Variants in ANKS1B observed in about 807,000 individuals in gnomAD.
ANKS1B encodes ankyrin repeat and sterile alpha motif domain containing 1B.
In ANKS1B, 36 loss-of-function variants were observed where a neutral mutation model predicts 148.3. The observed-to-expected ratio is 0.24, with a 90% confidence interval of 0.19 to 0.32. The LOEUF is 0.32. Among genes scored for constraint, ANKS1B ranks in the 10% least tolerant of loss-of-function variants. ANKS1B has a pLI of 1.00. For synonymous variants in ANKS1B, 542 were observed against 560.8 expected (o/e 0.97, Z 0.47); for missense variants, 1,157 against 1,542.6 (o/e 0.75, Z 4.19).
chr12:98,940,369 G>C (rs74351755), intron 17 of ANKS1B, among the ~76,000 whole-genome samples: 9,344 of 152,210 alleles, frequency 0.061, 642 homozygotes, highest in African/African-American at 0.15. Context: ...CTGTGAGGAG[G>C]GGGGTGCAGA....
intron 9 of ANKS1B, among the ~76,000 whole-genome samples, chr12:99,620,255 A>T (rs976226673): frequency 1.3e-5 from 2 of 152,234 alleles, no homozygotes; most frequent in African/African-American, 4.8e-5. Context: ...TCCTAGATGC[A>T]TGAGAATAAT....
chr12:98,865,965 C>T (rs534569731), intron 17 of ANKS1B, among the ~76,000 whole-genome samples: 12 of 152,022 alleles, frequency 7.9e-5, no homozygotes, highest in Non-Finnish European at 1.5e-4. Context: ...AATAGATGGC[C>T]GTCTTCTCAC....
chr12:99,962,477 T>C (rs2095426604), intron 1 of ANKS1B, among the ~76,000 whole-genome samples: 1 of 152,186 alleles, frequency 6.6e-6, no homozygotes, highest in South Asian at 2.1e-4. Context: ...GTTGGTTCCA[T>C]GACTTCGAGA....
intron 8 of ANKS1B, among the ~76,000 whole-genome samples, chr12:99,722,096 G>A (rs1455449355): frequency 2.6e-5 from 4 of 152,224 alleles, no homozygotes; most frequent in East Asian, 3.8e-4. Context: ...GGGTTCATGA[G>A]GTTTAAGGAA....
intron 10 of ANKS1B, among the ~76,000 whole-genome samples, chr12:99,453,330 T>C (rs955990308): frequency 5.3e-5 from 8 of 151,304 alleles, no homozygotes; most frequent in Non-Finnish European, 1.0e-4. Context: ...AAGAGATGAG[T>C]TGTACTTCTG....
At chr12:99,801,583 G>T (rs773510175) in intron 4 of ANKS1B, among the ~76,000 whole-genome samples, 27 of 152,168 alleles carry the variant, frequency 1.8e-4, no homozygotes, top group Non-Finnish European at 3.5e-4. Context: ...TGGATACAAT[G>T]AGTAAAAACA....
At chr12:99,061,756 T>C (rs2042520577) in intron 16 of ANKS1B, among the ~76,000 whole-genome samples, 1 of 152,250 alleles carries the variant, frequency 6.6e-6, no homozygotes, top group African/African-American at 2.4e-5. Flanking sequence ...AACATTTAAA[T>C]GAAGCCTGTA....
At chr12:98,944,941 T>C (rs2099842808) in intron 17 of ANKS1B, among the ~76,000 whole-genome samples, 1 of 152,222 alleles carries the variant, frequency 6.6e-6, no homozygotes, top group Non-Finnish European at 1.5e-5. Context: ...TCTAAACCCT[T>C]TTCTTCTTAA....
rs2153361689 is a variant in ANKS1B at position 98,745,116 on chromosome 12, C to T, written c.*623G>A. On this transcript the variant is annotated 3_prime_UTR_variant, in exon 27 of 27. Coordinates refer to ENST00000683438, the MANE Select transcript of ANKS1B (RefSeq NM_001352186.2). ...TTTGAATCATTCTTTCCTTTTGAAC[C>T]AATCATTTGGTTGAAAGGTTTTCTT... is the stretch of plus-strand genomic sequence containing the variant. 1 of 985,716 alleles carries T rather than the reference C, an allele frequency of 1.0e-6. No homozygotes were observed. The highest frequency in any genetic ancestry group is 1.1e-4 in the East Asian group (1 of 8,818). The allele number at this position is 985,716 out of a possible 1,614,324, so 61.1% of individuals were successfully genotyped here.
intron 1 of ANKS1B, among the ~76,000 whole-genome samples, chr12:99,828,818 A>G (rs906765953): frequency 4.6e-5 from 7 of 151,850 alleles, no homozygotes; most frequent in African/African-American, 1.7e-4. Context: ...CTCCATCTCT[A>G]CCAAAAATAC....
At chr12:99,219,246 T>C (rs2084712670) in intron 14 of ANKS1B, among the ~76,000 whole-genome samples, 2 of 152,184 alleles carry the variant, frequency 1.3e-5, no homozygotes, top group Non-Finnish European at 1.5e-5. Context: ...AACTTGCAAT[T>C]ATAAATTAGG....
intron 8 of ANKS1B, among the ~76,000 whole-genome samples, chr12:99,750,952 A>G (rs1000603944): frequency 2.0e-5 from 3 of 152,088 alleles, no homozygotes; most frequent in Non-Finnish European, 4.4e-5. Context: ...AATATAGCTT[A>G]TGATTATATC....
rs374112414 is a variant in ANKS1B at position 99,930,863 on chromosome 12, A to C, written c.134+53241T>G. On this transcript the variant is annotated intron_variant, in intron 1 of 26. Transcript: ENST00000683438. ...ACTGGGTATATACCCAAAGGATTACAAATCATGCTGCTATAAAGACACATG... is the reference window on the plus strand; with the variant it reads ...ACTGGGTATATACCCAAAGGATTACCAATCATGCTGCTATAAAGACACATG... 1.2e-4 allele frequency among the ~76,000 whole-genome samples: 19 copies of C among 152,334 alleles called. No individual in the cohort carries two copies. In the East Asian group the frequency reaches 3.1e-3, roughly 25 times the overall value.
chr12:99,501,555 C>CA (rs2096656029), intron 10 of ANKS1B, among the ~76,000 whole-genome samples: 1 of 152,120 alleles, frequency 6.6e-6, no homozygotes, highest in Admixed American at 6.5e-5. Context: ...GTTCTGCTCA[C>CA]AAAAAATCAT....
chr12:99,696,448 G>T (rs1567663272), intron 8 of ANKS1B, among the ~76,000 whole-genome samples: 2 of 152,022 alleles, frequency 1.3e-5, no homozygotes, highest in Non-Finnish European at 2.9e-5. Context: ...ACGCTCAAGA[G>T]ATCTTTGACA....
At chr12:99,384,038 G>A (rs545920527) in intron 12 of ANKS1B, among the ~76,000 whole-genome samples, 1 of 151,874 alleles carries the variant, frequency 6.6e-6, no homozygotes, top group Non-Finnish European at 1.5e-5. Flanking sequence ...CAAAATAAGA[G>A]AGAAATTGCT....
At chr12:98,811,847 C>T (rs899818058) in intron 19 of ANKS1B, among the ~76,000 whole-genome samples, 4 of 152,098 alleles carry the variant, frequency 2.6e-5, no homozygotes, top group African/African-American at 4.8e-5. Flanking sequence ...TCCCACTTAG[C>T]ATCCTGGGAA....
At chr12:98,749,119 GACGGAGT>G (rs1378747077) in intron 26 of ANKS1B, among the ~76,000 whole-genome samples, 1 of 151,608 alleles carries the variant, frequency 6.6e-6, no homozygotes, top group Non-Finnish European at 1.5e-5. Flanking sequence ...TTTTTTTTGA[GACGGAGT>G]CCTGCTCTGT....
At chr12:98,821,373 C>A (rs2153662701) in intron 19 of ANKS1B, among the ~76,000 whole-genome samples, 1 of 152,342 alleles carries the variant, frequency 6.6e-6, no homozygotes. Flanking sequence ...CCTCTTCTAG[C>A]AGCAGCGGCC....
Sources: gnomAD v4.1 joint callset for allele counts (sites outside exome capture counted in the v4.1 genomes callset) on GRCh38, gnomAD v4.1.1 for gene constraint, MANE v1.5 for transcripts, NCBI Gene and HGNC (gene_info 2026-07-23, HGNC 2026-07-21) for gene names.